Variants in SYCP1 observed in about 807,000 individuals in gnomAD.
The protein encoded by SYCP1 is synaptonemal complex protein 1, also known as cancer/testis antigen 8.
In SYCP1, 64 loss-of-function variants were observed where a neutral mutation model predicts 153.1. The observed-to-expected ratio is 0.42, with a 90% CI of 0.34 to 0.51. The LOEUF (loss-of-function observed/expected upper bound fraction) is 0.51. SYCP1 is among the 20% of genes least tolerant of loss of function. The pLI is 0.06. For synonymous variants in SYCP1, 384 were observed against 341.8 expected, an observed-to-expected ratio of 1.12 and a Z score of -1.36; for missense variants, 997 against 1,049.0, an observed-to-expected ratio of 0.95 and a Z score of 0.68.
chr1:114,992,317 G>T (rs1673978515), intron 30 of SYCP1, among the ~76,000 whole-genome samples: 1 of 151,600 alleles, frequency 6.6e-6, no homozygotes, highest in Non-Finnish European at 1.5e-5. Context: ...ATGTGGAATT[G>T]CAAAGGGCCC....
chr1:114,866,081 C>G (rs1299316300), intron 8 of SYCP1, among the ~76,000 whole-genome samples: 1 of 152,156 alleles, frequency 6.6e-6, no homozygotes, highest in Admixed American at 6.5e-5. Context: ...TATCCATTCA[C>G]TTACTAAAGG....
intron 28 of SYCP1, among the ~76,000 whole-genome samples, chr1:114,980,986 C>T (rs1341174997): frequency 6.6e-6 from 1 of 151,842 alleles, no homozygotes; most frequent in African/African-American, 2.4e-5. Flanking sequence ...TCTATGTGTC[C>T]ATGTGTTCTC....
chr1:114,988,787 TCAG>T (rs1437710017), intron 30 of SYCP1, among the ~76,000 whole-genome samples: 1 of 152,012 alleles, frequency 6.6e-6, no homozygotes, highest in African/African-American at 2.4e-5. Context: ...GTTTGTAACT[TCAG>T]TTTTTATTTT....
At chr1:114,939,676 A>G (rs1670258434) in intron 23 of SYCP1, among the ~76,000 whole-genome samples, 1 of 152,208 alleles carries the variant, frequency 6.6e-6, no homozygotes, top group Non-Finnish European at 1.5e-5. Context: ...TTCTGGGATT[A>G]TGGAAATTAT....
intron 27 of SYCP1, among the ~76,000 whole-genome samples, chr1:114,956,750 G>A (rs1671461062): frequency 6.6e-6 from 1 of 152,182 alleles, no homozygotes; most frequent in Non-Finnish European, 1.5e-5. Flanking sequence ...AAGACTCATG[G>A]CAAGTGTGGA....
chr1:114,921,676 G>T (rs1302879336), intron 20 of SYCP1, among the ~76,000 whole-genome samples: 3 of 151,412 alleles, frequency 2.0e-5, no homozygotes, highest in Non-Finnish European at 2.9e-5. Context: ...ACAGATATGA[G>T]TAGTTACATT....
intron 20 of SYCP1, among the ~76,000 whole-genome samples, chr1:114,920,681 T>C (rs1309379622): frequency 6.6e-6 from 1 of 152,166 alleles, no homozygotes; most frequent in African/African-American, 2.4e-5. Context: ...TATATCTTTG[T>C]AATTGTTATA....
intron 20 of SYCP1, among the ~76,000 whole-genome samples, chr1:114,914,405 A>AT (rs532170484): frequency 1.7e-4 from 25 of 147,648 alleles, no homozygotes; most frequent in South Asian, 1.1e-3. Flanking sequence ...CCCACTCTAT[A>AT]TTTTTTTTTT....
intron 16 of SYCP1, among the ~76,000 whole-genome samples, chr1:114,909,699 G>A (rs1019938280): frequency 6.6e-6 from 1 of 152,098 alleles, no homozygotes; most frequent in African/African-American, 2.4e-5. Context: ...ATAGAGTAGT[G>A]TAAAGAATGA....
At chr1:114,870,232 C>T (rs1404835953) in intron 8 of SYCP1, among the ~76,000 whole-genome samples, 7 of 152,020 alleles carry the variant, frequency 4.6e-5, no homozygotes, top group South Asian at 2.1e-4. Flanking sequence ...AGGGTGGTCT[C>T]GAACTCTTGG....
chr1:114,962,261 T>G (rs1052937989), intron 27 of SYCP1, among the ~76,000 whole-genome samples: 1 of 152,042 alleles, frequency 6.6e-6, no homozygotes, highest in Non-Finnish European at 1.5e-5. Context: ...GCTGGGATTA[T>G]AGGTGTGAGC....
At chr1:114,858,044 T>A (rs1373298929) in intron 5 of SYCP1, among the ~76,000 whole-genome samples, 2 of 151,970 alleles carry the variant, frequency 1.3e-5, no homozygotes, top group Admixed American at 1.3e-4. Flanking sequence ...TGACTAAAAA[T>A]CTCTGATATT....
chr1:114,888,654 C>T (rs1391851557), intron 15 of SYCP1, among the ~76,000 whole-genome samples: 3 of 151,560 alleles, frequency 2.0e-5, no homozygotes, highest in East Asian at 3.9e-4. Context: ...TTTATTCTTC[C>T]TTCGAGCATA....
At chr1:114,858,147 G>A (rs1306988521) in intron 5 of SYCP1, among the ~76,000 whole-genome samples, 1 of 151,854 alleles carries the variant, frequency 6.6e-6, no homozygotes, top group Non-Finnish European at 1.5e-5. Flanking sequence ...TATTTTTCTT[G>A]TCATTATATT....
chr1:114,883,901 C>T (rs1570695872), intron 12 of SYCP1, among the ~76,000 whole-genome samples: 1 of 152,158 alleles, frequency 6.6e-6, no homozygotes, highest in Non-Finnish European at 1.5e-5. Context: ...CCATGTTGGC[C>T]AGGATGGTCT....
chr1:114,922,200 TC>T (rs1344581661), intron 20 of SYCP1, among the ~76,000 whole-genome samples: 1 of 152,130 alleles, frequency 6.6e-6, no homozygotes, highest in Non-Finnish European at 1.5e-5. Flanking sequence ...TCTGTTATTA[TC>T]CCCTTGAATC....
intron 30 of SYCP1, among the ~76,000 whole-genome samples, 177 bp downstream of exon 30, chr1:114,985,045 G>C (rs1421131456): frequency 6.6e-5 from 10 of 151,594 alleles, no homozygotes; most frequent in Admixed American, 2.0e-4. Context: ...GAAAAATTAG[G>C]GTTCAAATAA....
chr1:114,891,775 A>G (rs933720335), intron 15 of SYCP1, among the ~76,000 whole-genome samples: 35 of 152,202 alleles, frequency 2.3e-4, no homozygotes, highest in South Asian at 4.1e-4. Context: ...ATAATATAAT[A>G]ACTATTGAAC....
chr1:114,882,442 T>A (rs1666016341), intron 12 of SYCP1, among the ~76,000 whole-genome samples: 1 of 152,158 alleles, frequency 6.6e-6, no homozygotes, highest in African/African-American at 2.4e-5. Context: ...TATTTTAAGA[T>A]GTTATTCTTC....
Sources: allele counts gnomAD v4.1 joint callset (sites outside exome capture counted in the v4.1 genomes callset), GRCh38; gene constraint gnomAD v4.1.1; transcripts MANE v1.5; gene names NCBI Gene and HGNC (gene_info 2026-07-23, HGNC 2026-07-21).